The following ALS2 variants were observed in gnomAD, a reference collection of about 807,000 sequenced individuals.
The protein encoded by ALS2 is alsin.
In ALS2, 117 loss-of-function variants were observed where a neutral mutation model predicts 203.4. That is an observed-to-expected ratio of 0.58 (90% CI 0.50 to 0.67). ALS2 has a LOEUF of 0.67. Ranked by LOEUF, ALS2 falls within the 30% of genes least tolerant of loss-of-function variation. The pLI, the probability that ALS2 is intolerant of heterozygous loss-of-function variation, is 0.00. For synonymous variants in ALS2, 718 were observed against 725.9 expected (o/e 0.99, Z 0.17); for missense variants, 1,715 against 1,989.4 (o/e 0.86, Z 2.62).
chr2:201,757,392 A>C lies in ALS2; in HGVS notation c.1471+10T>G, dbSNP rs1327394514. 1.9e-6 allele frequency: 3 copies of C among 1,609,512 alleles called. No homozygotes were observed. The highest frequency in any genetic ancestry group is 2.6e-6 in the Non-Finnish European group (3 of 1,175,776). On this transcript the variant is annotated intron_variant, in intron 5 of 33. Coordinates refer to ENST00000264276, the MANE Select transcript of ALS2 (RefSeq NM_020919.4). Reference sequence around the variant, plus strand: ...AAAAGTCAATTCACAAAACCTAGTTATTTCCTTACCTTGTGACAACAATCC... The same window carrying C: ...AAAAGTCAATTCACAAAACCTAGTTCTTTCCTTACCTTGTGACAACAATCC...
chr2:201,716,075 T>A (rs1690370555), intron 24 of ALS2, among the ~76,000 whole-genome samples: 1 of 152,220 alleles, frequency 6.6e-6, no homozygotes, highest in Admixed American at 6.5e-5. Context: ...GCAAACCAAT[T>A]GACTCTGCCT....
At chr2:201,767,702 A>T (rs1281998586) in intron 2 of ALS2, among the ~76,000 whole-genome samples, 1 of 142,216 alleles carries the variant, frequency 7.0e-6, no homozygotes, top group African/African-American at 2.7e-5. Flanking sequence ...TCTACTAAAA[A>T]TACAAAAAAA....
intron 25 of ALS2, among the ~76,000 whole-genome samples, chr2:201,712,875 G>C (rs1173112673): frequency 5.9e-5 from 9 of 152,036 alleles, no homozygotes; most frequent in Admixed American, 5.9e-4. Flanking sequence ...CTTCCTTCTG[G>C]CTTCCAAGGT....
chr2:201,704,032 A>G, intron 33 of ALS2, 90 bp downstream of exon 33: 2 of 1,133,276 alleles, frequency 1.8e-6, no homozygotes, highest in South Asian at 2.7e-5. Context: ...TTAAACTTTT[A>G]TACAAAAAAA....
chr2:201,724,666 T>C (rs899863321), intron 20 of ALS2, among the ~76,000 whole-genome samples: 1 of 152,196 alleles, frequency 6.6e-6, no homozygotes, highest in African/African-American at 2.4e-5. Flanking sequence ...GTATTTTGCA[T>C]TAACATGAAA....
At chr2:201,736,322 C>T (rs1691873235) in intron 12 of ALS2, among the ~76,000 whole-genome samples, 1 of 151,972 alleles carries the variant, frequency 6.6e-6, no homozygotes, top group Non-Finnish European at 1.5e-5. Context: ...AAATAAAGGC[C>T]AAACCCCTAT....
intron 27 of ALS2, among the ~76,000 whole-genome samples, chr2:201,709,339 G>A (rs908514542): frequency 6.6e-6 from 1 of 151,906 alleles, no homozygotes. Context: ...TATTTTTTAT[G>A]TTTACTCTTT....
intron 13 of ALS2, among the ~76,000 whole-genome samples, chr2:201,730,292 ATG>A (rs1691475456): frequency 6.6e-6 from 1 of 152,170 alleles, no homozygotes; most frequent in East Asian, 1.9e-4. Context: ...TGTACCATCT[ATG>A]ATTGTGGATT....
chr2:201,746,684 T>A lies in ALS2; in HGVS notation c.1880A>T (p.Asp627Val). 6.2e-7 allele frequency: 1 copy of A among 1,614,154 alleles called. No homozygotes were observed. Among genetic ancestry groups the A allele is most frequent in the Non-Finnish European group, 8.5e-7 (1 of 1,180,028 alleles). The change falls in exon 9 of 34, where the codon GAT (aspartate) becomes GTT (valine). Residue 627 changes from aspartate (D) to valine (V), a missense_variant. Physicochemically the swap from Asp to Val is radical, Grantham distance 152. Coordinates refer to ENST00000264276, the MANE Select transcript of ALS2 (RefSeq NM_020919.4). ...TAACCCAGGCTGGAAGTCTTCTGTATCCACTAAAAACAGGGAATAATCCCT... is the reference window on the plus strand; with the variant it reads ...TAACCCAGGCTGGAAGTCTTCTGTAACCACTAAAAACAGGGAATAATCCCT... ...AGRDYSLFLV[D>V]TEDFQPGLYY...
At chr2:201,772,987 G>C (rs184780077) in intron 1 of ALS2, among the ~76,000 whole-genome samples, 1 of 149,676 alleles carries the variant, frequency 6.7e-6, no homozygotes, top group African/African-American at 2.5e-5. Context: ...TCAGCCTCCC[G>C]AGTAGCTGGG....
In ALS2 at chr2:201,724,423, T is replaced by A; in HGVS notation, c.3384A>T (p.Gln1128His). Residue 1128 changes from glutamine (Q) to histidine (H), a missense_variant, in exon 21 of 34, where the codon CAA becomes CAT. Coordinates refer to ENST00000264276, the MANE Select transcript of ALS2 (RefSeq NM_020919.4). Reference protein sequence around the residue: ...ASGEVFEGCFQDNMRHGHGLL... With the variant: ...ASGEVFEGCFHDNMRHGHGLL... The stretch of plus-strand genomic sequence containing the variant: ...GACCATGACCATGACGCATATTATC[T>A]TGAAAACAGCCCTCAAATACTTCAC... The A allele has an allele frequency of 6.2e-7, 1 of 1,614,116 alleles. No individual in the cohort carries two copies. Among genetic ancestry groups the A allele is most frequent in the Non-Finnish European group, 8.5e-7 (1 of 1,179,992 alleles).
Position 201,709,927 on chromosome 2 carries a change from C to A in ALS2, c.4234G>T (p.Val1412Leu), listed in dbSNP as rs41309056. ...TTAAGATAGGACTTAATCTCCTTTA[C>A]AGCCTCCTGCAATAACCTGCGGTTG... ...GANRRLLQEAVKEIKSYLKRI... is the reference protein window; with the variant it reads ...GANRRLLQEALKEIKSYLKRI... The change falls in exon 27 of 34, where the codon GTA becomes TTA. Residue 1412 changes from valine to leucine, a missense_variant. This residue lies in a region of ALS2 where 1,227 missense variants were observed against 1,413.5 expected (regional missense o/e 0.87). Transcript: ENST00000264276. 2 of 1,614,170 alleles carry A rather than the reference C, an allele frequency of 1.2e-6. No individual in the cohort carries two copies.
At chr2:201,771,003 T>C (rs1279772454) in intron 1 of ALS2, among the ~76,000 whole-genome samples, 3 of 152,014 alleles carry the variant, frequency 2.0e-5, no homozygotes, top group Non-Finnish European at 4.4e-5. Context: ...AAAACTAATA[T>C]ATTATTTCAC....
In ALS2 at chr2:201,724,749, T is replaced by C. The variant is rs114849386; in HGVS notation, c.3348-290A>G. 0.01 allele frequency among the ~76,000 whole-genome samples: 1,576 copies of C among 152,306 alleles called. 16 individuals are homozygous for C. Among genetic ancestry groups the C allele is most frequent in the Non-Finnish European group, 0.016 (1,064 of 68,026 alleles). ...TTTTAAGAGGGAAGAATAAAAGTTT[T>C]GTCCATTAGAATCCTATATGTCTTA... is the stretch of plus-strand genomic sequence containing the variant. On this transcript the variant is annotated intron_variant, in intron 20 of 33. Coordinates refer to ENST00000264276, the MANE Select transcript of ALS2 (RefSeq NM_020919.4).
rs1266141451 is a variant in ALS2, at chr2:201,757,725, C to A, written c.1148G>T (p.Ser383Ile). ...LLEEAIPNLH[S>I]PPTTSTSALN... ...GGCTGAGGTGCTTGTGGTAGGCGGG[C>A]TGTGGAGATTAGGAATTGCTTCTTC... is the stretch of plus-strand genomic sequence containing the variant. The change falls in exon 5 of 34, where the codon AGC becomes ATC. Residue 383 changes from serine to isoleucine, a missense_variant. Ser to Ile is a moderately radical substitution (Grantham distance 142). Transcript: ENST00000264276. The A allele has an allele frequency of 1.2e-6, 2 of 1,612,518 alleles. No individual in the cohort carries two copies. The highest frequency in any genetic ancestry group is 1.7e-6 in the Non-Finnish European group (2 of 1,179,986).
chr2:201,740,804 G>A (rs541196992), intron 11 of ALS2, among the ~76,000 whole-genome samples: 4 of 152,260 alleles, frequency 2.6e-5, no homozygotes, highest in Admixed American at 6.5e-5. Context: ...ATCTTTATTT[G>A]TGCAGTTTTC....
chr2:201,707,836 C>G (rs779859483), intron 28 of ALS2, 33 bp downstream of exon 28: 2 of 1,609,682 alleles, frequency 1.2e-6, no homozygotes, highest in East Asian at 4.5e-5. Flanking sequence ...TCACCATTCC[C>G]TTTCTTCACT....
At chr2:201,757,031 C>A (rs1693443133) in intron 5 of ALS2, among the ~76,000 whole-genome samples, 1 of 152,152 alleles carries the variant, frequency 6.6e-6, no homozygotes, top group Admixed American at 6.5e-5. Context: ...CTTAAGAATT[C>A]TCTCCTCTTT....
intron 12 of ALS2, among the ~76,000 whole-genome samples, chr2:201,733,870 G>A (rs937803860): frequency 6.6e-6 from 1 of 152,164 alleles, no homozygotes; most frequent in African/African-American, 2.4e-5. Flanking sequence ...AACAGAATTA[G>A]TGTGGATATT....
Sources: allele counts gnomAD v4.1 joint callset (sites outside exome capture counted in the v4.1 genomes callset), GRCh38; gene constraint gnomAD v4.1.1; regional missense constraint gnomAD v4.1.1; transcripts MANE v1.5; gene names NCBI Gene and HGNC (gene_info 2026-07-23, HGNC 2026-07-21).